The following CENPE variants were observed in gnomAD, a reference collection of about 807,000 sequenced individuals.
CENPE encodes centromere-associated protein E.
CENPE carries 145 observed loss-of-function variants against 336.1 expected under a neutral mutation model. That is an observed-to-expected ratio of 0.43 (90% CI 0.38 to 0.50). The LOEUF (loss-of-function observed/expected upper bound fraction) is 0.50, where lower values mean the gene tolerates loss of function less well. Among genes scored for constraint, CENPE ranks in the 20% least tolerant of loss-of-function variants. The pLI is 0.00. For missense variants in CENPE, 2,719 were observed against 3,023.3 expected, an observed-to-expected ratio of 0.90 and a Z score of 2.36; for synonymous variants, 1,013 against 984.8, an observed-to-expected ratio of 1.03 and a Z score of -0.54.
rs768324673 is a variant in CENPE, at chr4:103,145,032, A to T, written c.4857+18T>A. The T allele has an allele frequency of 2.7e-6, 4 of 1,483,518 alleles. No individual in the cohort carries two copies. The South Asian group carries it at 4.7e-5, about 17-fold the overall frequency. The allele number at this position is 1,483,518 out of a possible 1,614,324, so 91.9% of individuals were successfully genotyped here. A position where few individuals can be genotyped will look rare whatever the true frequency, so the allele number is the denominator to read the frequency against. On this transcript the variant is annotated intron_variant, in intron 32 of 48. Transcript: ENST00000265148. ...TATTTCTGTATCCAAAAAAAAAAAA[A>T]ATAAGATGGGAACTTACTTTAGCTA...
At position 103,115,155 on chromosome 4, in the gene CENPE, C is replaced by T. The variant is rs916041346; in HGVS notation, c.7443-603G>A. Among the ~76,000 whole-genome samples the T allele has an allele frequency of 8.8e-5, 13 of 148,518 alleles. No individual in the cohort carries two copies. The East Asian group carries it at 1.6e-3, about 18-fold the overall frequency. ...TTTTCTTTTCTTTTTTTTTTTGAGA[C>T]GAAGTCTTGGTCTTGTCCCCCAGGC... On this transcript the variant is annotated intron_variant, in intron 45 of 48. Coordinates refer to ENST00000265148, the MANE Select transcript of CENPE (RefSeq NM_001813.3).
intron 6 of CENPE, 73 bp from the exon 7 acceptor site, chr4:103,194,514 T>C: frequency 6.8e-7 from 1 of 1,461,282 alleles, no homozygotes; most frequent in Non-Finnish European, 9.3e-7. Context: ...TTATTTTAAC[T>C]TAAAAAAGTA....
intron 21 of CENPE, 99 bp downstream of exon 21, chr4:103,160,526 C>A (rs1361710578): frequency 1.5e-5 from 14 of 956,178 alleles, no homozygotes; most frequent in Non-Finnish European, 2.0e-5. Flanking sequence ...TCTCTCTTGT[C>A]TGCTAGTTTA....
Position 103,161,268 on chromosome 4 carries a change from T to G in CENPE, c.1966-17A>C. The G allele has an allele frequency of 6.2e-7, 1 of 1,605,972 alleles. No homozygotes were observed. The highest frequency in any genetic ancestry group is 1.1e-5 in the South Asian group (1 of 89,330). ...AAGTTCTTTCTATTGAGAAAAACAT[T>G]GCAAATGCACAAAAATACACTGATC... On this transcript the variant is annotated splice_polypyrimidine_tract_variant and intron_variant, in intron 19 of 48. Coordinates refer to ENST00000265148, the MANE Select transcript of CENPE (RefSeq NM_001813.3).
At position 103,158,811 on chromosome 4, in the gene CENPE, T is replaced by A; in HGVS notation, c.2677A>T (p.Lys893Ter). ...QERLNEMEQL[K>*]EQLENRDSTL... ...GAATCTCTATTTTCTAATTGTTCCT[T>A]CAGCTGTTCCATCTCATTTAGTCTT... The change falls in exon 23 of 49, where the codon AAG (lysine) becomes TAG (stop). Residue 893 changes from lysine to a stop codon, truncating the protein, a stop_gained. Transcript: ENST00000265148. LOFTEE classifies it high-confidence loss of function. 1 of 1,613,190 alleles carries A rather than the reference T, an allele frequency of 6.2e-7. No individual in the cohort carries two copies. The highest frequency in any genetic ancestry group is 8.5e-7 in the Non-Finnish European group (1 of 1,179,492).
intron 12 of CENPE, 147 bp from the exon 13 acceptor site, chr4:103,180,616 A>C: frequency 1.8e-6 from 1 of 542,888 alleles, no homozygotes; most frequent in Non-Finnish European, 3.1e-6. Flanking sequence ...CTAACTGTAG[A>C]ACACCAAAAT....
chr4:103,169,089 A>C (rs766942811), intron 16 of CENPE, among the ~76,000 whole-genome samples: 1 of 152,242 alleles, frequency 6.6e-6, no homozygotes, highest in Non-Finnish European at 1.5e-5. Flanking sequence ...AAATTTATCA[A>C]GGAGACTGAA....
Position 103,141,116 on chromosome 4 carries a change from C to A in CENPE, c.5464-12G>T. 6.9e-7 allele frequency: 1 copy of A among 1,456,912 alleles called. No individual in the cohort carries two copies. Among genetic ancestry groups the A allele is most frequent in the South Asian group, 1.3e-5 (1 of 78,020 alleles). 90.2% of individuals were successfully genotyped at this position (1,456,912 alleles called of 1,614,324 possible). On this transcript the variant is annotated splice_polypyrimidine_tract_variant and intron_variant, in intron 35 of 48. Coordinates refer to ENST00000265148, the MANE Select transcript of CENPE (RefSeq NM_001813.3). ...TTAAGTTCTTGAATCTTAAGATAAT[C>A]ATAAAATAATATGTTAGGTGGCTTT... is the stretch of plus-strand genomic sequence containing the variant.
At position 103,198,275 on chromosome 4, in the gene CENPE, C is replaced by A; in HGVS notation, c.45G>T (p.Pro15=). The change falls in exon 1 of 49, where the codon CCG becomes CCT. Residue 15 remains proline, a synonymous_variant. Transcript: ENST00000265148. ...TGTGGCCCCCCTACCTGCTGTTCAGCGGCCGCACTCGCACGCAGACGGCCA... is the reference window on the plus strand; with the variant it reads ...TGTGGCCCCCCTACCTGCTGTTCAGAGGCCGCACTCGCACGCAGACGGCCA... ...GAVAVCVRVR[P]LNSREESLGE... is the part of the protein sequence containing the mutation. 1 of 1,550,706 alleles carries A rather than the reference C, an allele frequency of 6.4e-7. No homozygotes were observed. Among genetic ancestry groups the A allele is most frequent in the Non-Finnish European group, 8.7e-7 (1 of 1,146,852 alleles).
intron 8 of CENPE, among the ~76,000 whole-genome samples, chr4:103,188,996 C>G (rs1354660136): frequency 2.0e-5 from 3 of 152,182 alleles, no homozygotes; most frequent in Non-Finnish European, 4.4e-5. Context: ...AAACTACCAT[C>G]AGAGAATACT....
chr4:103,186,326 A>G (rs1187080715), intron 8 of CENPE, among the ~76,000 whole-genome samples: 5 of 152,148 alleles, frequency 3.3e-5, no homozygotes. Context: ...AGGCACAAAG[A>G]TTATCTCCTC....
At chr4:103,161,017 G>A in intron 20 of CENPE, 69 bp downstream of exon 20, 1 of 1,286,872 alleles carries the variant, frequency 7.8e-7, no homozygotes, top group Non-Finnish European at 1.1e-6. Flanking sequence ...AAATATGCTT[G>A]TCAAATTGTT....
chr4:103,172,734 A>G (rs562120229), intron 16 of CENPE, among the ~76,000 whole-genome samples: 1 of 152,090 alleles, frequency 6.6e-6, no homozygotes, highest in African/African-American at 2.4e-5. Flanking sequence ...CTAATAAAAA[A>G]CTCAGTAAAG....
chr4:103,193,429 T>G (rs528716257), intron 8 of CENPE, among the ~76,000 whole-genome samples: 77 of 152,238 alleles, frequency 5.1e-4, no homozygotes, highest in African/African-American at 1.5e-3. Flanking sequence ...AATAAACATA[T>G]TATAGATTGC....
At chr4:103,185,724 C>A (rs1382318649) in intron 9 of CENPE, 86 bp downstream of exon 9, 3 of 720,492 alleles carry the variant, frequency 4.2e-6, no homozygotes, top group African/African-American at 3.6e-5. Flanking sequence ...ATTACTTTAT[C>A]AATTTCTAAA....
intron 41 of CENPE, among the ~76,000 whole-genome samples, chr4:103,133,269 C>T (rs1279527322): frequency 6.6e-6 from 1 of 151,972 alleles, no homozygotes; most frequent in Non-Finnish European, 1.5e-5. Context: ...TGATCTTGAA[C>T]CCCTGGAGTC....
At chr4:103,195,035 G>C (rs1206518864) in intron 5 of CENPE, 79 bp downstream of exon 5, 4 of 1,286,440 alleles carry the variant, frequency 3.1e-6, no homozygotes, top group Non-Finnish European at 4.2e-6. Flanking sequence ...AAAAACTATA[G>C]AAATTAAAGG....
rs1245079403 is a variant in CENPE, at chr4:103,194,273, C to A, written c.649G>T (p.Gly217Cys). ...GATCCTTCACAATTAGAAGGTTCAC[C>A]CTTCTCTCTGCTTTCCAAAATCTAG... is the stretch of plus-strand genomic sequence containing the variant. Reference protein sequence around the residue: ...FRMILESREKGEPSNCEGSVK... With the variant: ...FRMILESREKCEPSNCEGSVK... Residue 217 changes from glycine to cysteine, a missense_variant, in exon 8 of 49, where the codon GGT becomes TGT. Physicochemically the swap from Gly to Cys is radical, Grantham distance 159 (BLOSUM62 -3). Coordinates refer to ENST00000265148, the MANE Select transcript of CENPE (RefSeq NM_001813.3). The A allele has an allele frequency of 6.2e-7, 1 of 1,612,640 alleles. No individual in the cohort carries two copies. Among genetic ancestry groups the A allele is most frequent in the East Asian group, 2.2e-5 (1 of 44,734 alleles).
chr4:103,122,779 T>C (rs1750751486), intron 43 of CENPE, 92 bp downstream of exon 43: 1 of 917,000 alleles, frequency 1.1e-6, no homozygotes, highest in East Asian at 2.5e-5. Context: ...AATAAATGTG[T>C]TCATGTTCAG....
Sources: allele counts gnomAD v4.1 joint callset (sites outside exome capture counted in the v4.1 genomes callset), GRCh38; gene constraint gnomAD v4.1.1; transcripts MANE v1.5; gene names NCBI Gene and HGNC (gene_info 2026-07-23, HGNC 2026-07-21).